PPP4R4: variants seen among roughly 807,000 people sequenced by gnomAD.
PPP4R4 encodes the protein protein phosphatase 4 regulatory subunit 4, also known as serine/threonine-protein phosphatase 4 regulatory subunit 4.
A neutral mutation model predicts 121.8 loss-of-function variants in PPP4R4; 70 were observed. The ratio of observed to expected loss-of-function variants is 0.57; its 90% CI spans 0.47 to 0.70. The LOEUF (loss-of-function observed/expected upper bound fraction) is 0.70. Ranked by LOEUF, PPP4R4 falls within the 30% of genes least tolerant of loss-of-function variation. The probability of loss-of-function intolerance (pLI) is 0.00; values close to 1 mark genes in which losing one functional copy is unlikely to be tolerated. For synonymous variants in PPP4R4, 348 were observed against 355.7 expected, an observed-to-expected ratio of 0.98 and a Z score of 0.24; for missense variants, 875 against 1,033.6, an observed-to-expected ratio of 0.85 and a Z score of 2.10.
chr14:94,182,180 G>T (rs1177752503), intron 2 of PPP4R4, among the ~76,000 whole-genome samples: 2 of 152,096 alleles, frequency 1.3e-5, no homozygotes, highest in South Asian at 2.1e-4. Context: ...CCCATGGTCT[G>T]GTTTGTTCTT....
At chr14:94,227,182 C>A in intron 3 of PPP4R4, 1 of 870,816 alleles carries the variant, frequency 1.1e-6, no homozygotes, top group Non-Finnish European at 1.7e-6. Context: ...TTGAGGAATT[C>A]AAGTTGGGAT....
At position 94,208,550 on chromosome 14, in the gene PPP4R4, T is replaced by C; in HGVS notation, c.278T>C (p.Val93Ala). 1 of 1,607,406 alleles carries C rather than the reference T, an allele frequency of 6.2e-7. No homozygotes were observed. The highest frequency in any genetic ancestry group is 1.1e-5 in the South Asian group (1 of 90,572). Reference protein sequence around the residue: ...RQNPTETLRRVLPKVREALHV... With the variant: ...RQNPTETLRRALPKVREALHV... ...AATCCCACTGAGACGCTTCGGAGAG[T>C]GTTGCCAAAAGTCAGAGTAAGTTGG... is the stretch of plus-strand genomic sequence containing the variant. The change falls in exon 3 of 25, where the codon GTG (valine) becomes GCG (alanine). Residue 93 changes from valine (V) to alanine (A), a missense_variant. Physicochemically the swap from Val to Ala is moderately conservative, Grantham distance 64. Coordinates refer to ENST00000304338, the MANE Select transcript of PPP4R4 (RefSeq NM_058237.2).
chr14:94,217,733 G>A (rs749065470), intron 3 of PPP4R4, among the ~76,000 whole-genome samples: 1 of 152,070 alleles, frequency 6.6e-6, no homozygotes, highest in Non-Finnish European at 1.5e-5. Flanking sequence ...GGTGGCTCAC[G>A]CCTGTAATCC....
rs1894002965 is a variant in PPP4R4, at chr14:94,265,550, T to C, written c.2284+77T>C. The C allele has an allele frequency of 1.3e-5, 16 of 1,230,366 alleles. No individual in the cohort carries two copies. The South Asian group carries it at 2.0e-4, about 15-fold the overall frequency. 76.2% of individuals were successfully genotyped at this position (1,230,366 alleles called of 1,614,324 possible). A position where few individuals can be genotyped will look rare whatever the true frequency, so the allele number is the denominator to read the frequency against. On this transcript the variant is annotated intron_variant, in intron 21 of 24. Coordinates refer to ENST00000304338, the MANE Select transcript of PPP4R4 (RefSeq NM_058237.2). ...CAAATTGCTGGGAAAGTCACTCTAT[T>C]AGATGAGATACAGTAGGATAATATA...
At chr14:94,214,299 T>C (rs1158109160) in intron 3 of PPP4R4, among the ~76,000 whole-genome samples, 1 of 152,160 alleles carries the variant, frequency 6.6e-6, no homozygotes, top group Non-Finnish European at 1.5e-5. Context: ...GAGAGACTTT[T>C]TGGGGGTTTG....
chr14:94,265,377 T>C lies in PPP4R4; in HGVS notation c.2198-10T>C. ...GGAAATTATACAACTTAAAGCAGAA[T>C]TTATTTTAGGTAGAGACACTAAGAC... On this transcript the variant is annotated splice_polypyrimidine_tract_variant and intron_variant, in intron 20 of 24. Transcript: ENST00000304338. 1.3e-6 allele frequency: 2 copies of C among 1,592,310 alleles called. No homozygotes were observed. Among genetic ancestry groups the C allele is most frequent in the Non-Finnish European group, 1.7e-6 (2 of 1,160,560 alleles).
chr14:94,238,166 A>G (rs1374385707), intron 8 of PPP4R4, among the ~76,000 whole-genome samples: 2 of 152,246 alleles, frequency 1.3e-5, no homozygotes, highest in Non-Finnish European at 2.9e-5. Flanking sequence ...TCAATACCAC[A>G]GGAACTTCAC....
At chr14:94,177,559 A>G (rs1263952712) in intron 2 of PPP4R4, among the ~76,000 whole-genome samples, 1 of 152,222 alleles carries the variant, frequency 6.6e-6, no homozygotes, top group Non-Finnish European at 1.5e-5. Flanking sequence ...TTAATCTACA[A>G]CAGTTAATGA....
intron 5 of PPP4R4, among the ~76,000 whole-genome samples, chr14:94,233,288 T>G (rs966902255): frequency 6.6e-6 from 1 of 152,230 alleles, no homozygotes; most frequent in African/African-American, 2.4e-5. Context: ...AGGATACATA[T>G]AAAAATTAAT....
At chr14:94,185,913 AC>A (rs1455442964) in intron 2 of PPP4R4, among the ~76,000 whole-genome samples, 1 of 152,034 alleles carries the variant, frequency 6.6e-6, no homozygotes, top group East Asian at 1.9e-4. Flanking sequence ...CATTTTCATC[AC>A]CCCCACAAAA....
intron 19 of PPP4R4, among the ~76,000 whole-genome samples, chr14:94,260,230 C>G (rs1195082482): frequency 6.6e-6 from 1 of 152,122 alleles, no homozygotes; most frequent in Non-Finnish European, 1.5e-5. Context: ...TCAAGACCAT[C>G]CCGGCTAACA....
At chr14:94,270,429 A>G (rs1414653072) in intron 23 of PPP4R4, among the ~76,000 whole-genome samples, 1 of 152,226 alleles carries the variant, frequency 6.6e-6, no homozygotes, top group African/African-American at 2.4e-5. Flanking sequence ...TGTAGCCAAA[A>G]TAGTTTTGAA....
At chr14:94,270,928 AC>A (rs201385597) in intron 23 of PPP4R4, among the ~76,000 whole-genome samples, 55 of 136,770 alleles carry the variant, frequency 4.0e-4, no homozygotes, top group Middle Eastern at 3.9e-3. Context: ...AAAAAAAAAA[AC>A]AACAACAACA....
chr14:94,225,837 T>C (rs1891669381), intron 3 of PPP4R4, among the ~76,000 whole-genome samples: 1 of 152,190 alleles, frequency 6.6e-6, no homozygotes, highest in African/African-American at 2.4e-5. Context: ...AAGGTGAAAG[T>C]ATTATGACTG....
chr14:94,178,388 G>A (rs1364789000), intron 2 of PPP4R4, among the ~76,000 whole-genome samples: 1 of 150,084 alleles, frequency 6.7e-6, no homozygotes, highest in African/African-American at 2.4e-5. Context: ...TATGTGTCAG[G>A]TTTGTTTCTT....
At chr14:94,218,421 CGCACGCGCGCGCACACACACACA>C (rs1891158754) in intron 3 of PPP4R4, among the ~76,000 whole-genome samples, 2 of 130,404 alleles carry the variant, frequency 1.5e-5, no homozygotes, top group Admixed American at 1.5e-4. Context: ...CCCTAGACAC[CGCACGCGCGCGCACACACACACA>C]CCCTCACCCC....
At chr14:94,207,587 A>T (rs1311441836) in intron 2 of PPP4R4, among the ~76,000 whole-genome samples, 1 of 151,992 alleles carries the variant, frequency 6.6e-6, no homozygotes, top group African/African-American at 2.4e-5. Flanking sequence ...ATCAATAAGT[A>T]AATATTATGG....
At chr14:94,242,226 A>G in intron 10 of PPP4R4, 63 bp from the exon 11 acceptor site, 2 of 1,521,220 alleles carry the variant, frequency 1.3e-6, no homozygotes, top group Non-Finnish European at 9.0e-7. Flanking sequence ...CGATTATAAT[A>G]TTAGGTATTG....
intron 8 of PPP4R4, among the ~76,000 whole-genome samples, chr14:94,239,302 A>C (rs1595511818): frequency 2.0e-5 from 3 of 146,368 alleles, no homozygotes; most frequent in Admixed American, 1.4e-4. Context: ...GCACCCATTA[A>C]CTCGTCATTT....
Sources: allele counts gnomAD v4.1 joint callset (sites outside exome capture counted in the v4.1 genomes callset), GRCh38; gene constraint gnomAD v4.1.1; transcripts MANE v1.5; gene names NCBI Gene and HGNC (gene_info 2026-07-23, HGNC 2026-07-21).